Variants in RBFOX1 observed in about 807,000 individuals in gnomAD.
RBFOX1 encodes the protein RNA binding fox-1 homolog 1, also known as RNA binding protein fox-1 homolog 1.
RBFOX1 carries 8 observed loss-of-function variants against 57.7 expected under a neutral mutation model. The observed-to-expected ratio is 0.14, with a 90% confidence interval of 0.08 to 0.25. RBFOX1 has a LOEUF of 0.25. Ranked by LOEUF, RBFOX1 falls within the 10% of genes least tolerant of loss-of-function variation. RBFOX1 has a pLI of 1.00. For missense variants in RBFOX1, 611 were observed against 548.5 expected, an observed-to-expected ratio of 1.11 and a Z score of -1.14; for synonymous variants, 326 against 222.4, an observed-to-expected ratio of 1.47 and a Z score of -4.15.
At chr16:6,426,401 A>G (rs900314223) in intron 2 of RBFOX1, among the ~76,000 whole-genome samples, 1 of 152,158 alleles carries the variant, frequency 6.6e-6, no homozygotes, top group East Asian at 1.9e-4. Flanking sequence ...AGAGAAAAGA[A>G]TGCAGAGGAC....
At chr16:7,275,879 G>C (rs1051999098) in intron 4 of RBFOX1, among the ~76,000 whole-genome samples, 10 of 152,290 alleles carry the variant, frequency 6.6e-5, no homozygotes, top group Admixed American at 6.5e-4. Flanking sequence ...GATCTGAGAG[G>C]CAGCCCCAGG....
intron 4 of RBFOX1, among the ~76,000 whole-genome samples, chr16:7,372,469 C>G (rs1208380164): frequency 6.6e-6 from 1 of 152,126 alleles, no homozygotes; most frequent in Non-Finnish European, 1.5e-5. Context: ...AGAGTGTAAG[C>G]TCATTGAAGC....
At chr16:7,034,848 C>CTTTTCTTTTTTT (rs1412479062) in intron 3 of RBFOX1, among the ~76,000 whole-genome samples, 29 of 30,824 alleles carry the variant, frequency 9.4e-4, no homozygotes, top group East Asian at 1.9e-3. Flanking sequence ...TTTCTTTTTT[C>CTTTTCTTTTTTT]TTTTTTTTTT....
At chr16:7,369,751 G>A (rs970709585) in intron 4 of RBFOX1, among the ~76,000 whole-genome samples, 10 of 152,138 alleles carry the variant, frequency 6.6e-5, no homozygotes, top group African/African-American at 2.2e-4. Flanking sequence ...TTGTGCTTCT[G>A]TTTTGTAATG....
At chr16:7,026,411 G>C (rs147979251) in intron 3 of RBFOX1, among the ~76,000 whole-genome samples, 14 of 152,326 alleles carry the variant, frequency 9.2e-5, no homozygotes, top group Non-Finnish European at 1.9e-4. Context: ...GTAAAGAACA[G>C]TTGAGGGCAG....
chr16:7,254,401 C>G (rs1385287546), intron 4 of RBFOX1, among the ~76,000 whole-genome samples: 1 of 152,078 alleles, frequency 6.6e-6, no homozygotes, highest in African/African-American at 2.4e-5. Context: ...TTAGATTATC[C>G]AAGCTGGAAT....
At chr16:6,117,557 T>C (rs936858419) in intron 1 of RBFOX1, among the ~76,000 whole-genome samples, 1 of 152,260 alleles carries the variant, frequency 6.6e-6, no homozygotes, top group Non-Finnish European at 1.5e-5. Flanking sequence ...AAGAGGCTTC[T>C]GGTAGCATTT....
At chr16:6,828,241 T>G (rs2092385127) in intron 3 of RBFOX1, among the ~76,000 whole-genome samples, 1 of 152,040 alleles carries the variant, frequency 6.6e-6, no homozygotes, top group South Asian at 2.1e-4. Flanking sequence ...AGTAAAAATT[T>G]CAGGCCAGGC....
chr16:6,666,964 A>G (rs1328143221), intron 3 of RBFOX1, among the ~76,000 whole-genome samples: 1 of 152,198 alleles, frequency 6.6e-6, no homozygotes, highest in Non-Finnish European at 1.5e-5. Context: ...TTATTTTTGT[A>G]GGCAAGGGCT....
intron 4 of RBFOX1, among the ~76,000 whole-genome samples, chr16:7,344,271 C>T (rs1425795231): frequency 6.7e-6 from 1 of 150,290 alleles, no homozygotes; most frequent in African/African-American, 2.4e-5. Flanking sequence ...ATTAATACTC[C>T]CTAAGTACTT....
rs556841224 is a variant in RBFOX1, at chr16:7,691,631, T to C, written c.995+14793T>C. 6.6e-5 allele frequency among the ~76,000 whole-genome samples: 10 copies of C among 152,302 alleles called. No homozygotes were observed. The South Asian group carries it at 1.9e-3, about 28-fold the overall frequency. ...AGAGGGCTGTTTCTATTCATACTTG[T>C]AGGTTGCATTTTAAAAGTTACCTAT... On this transcript the variant is annotated intron_variant, in intron 14 of 15. Coordinates refer to ENST00000550418, the MANE Select transcript of RBFOX1 (RefSeq NM_018723.4).
chr16:6,957,116 T>TTCTTTATTTA (rs1555677707), intron 3 of RBFOX1, among the ~76,000 whole-genome samples: 1 of 139,244 alleles, frequency 7.2e-6, no homozygotes, highest in African/African-American at 2.8e-5. Context: ...TTATTTTTAT[T>TTCTTTATTTA]TTTATTTATT....
intron 1 of RBFOX1, among the ~76,000 whole-genome samples, chr16:6,104,004 C>A (rs1305239574): frequency 1.3e-5 from 2 of 152,122 alleles, no homozygotes; most frequent in African/African-American, 2.4e-5. Flanking sequence ...CCTCTGTTCC[C>A]AGTTCTTGCC....
At chr16:7,272,660 C>G (rs1367522611) in intron 4 of RBFOX1, among the ~76,000 whole-genome samples, 1 of 116,466 alleles carries the variant, frequency 8.6e-6, no homozygotes, top group Non-Finnish European at 1.7e-5. Flanking sequence ...TTACTTATAT[C>G]TGAGAAGGGG....
At chr16:6,806,984 TCACCACGTCC>T (rs2086998321) in intron 3 of RBFOX1, among the ~76,000 whole-genome samples, 1 of 151,262 alleles carries the variant, frequency 6.6e-6, no homozygotes, top group South Asian at 2.1e-4. Flanking sequence ...CAGGCACGTC[TCACCACGTCC>T]AGCTGATTTT....
chr16:7,708,490 A>G (rs1346731526), intron 14 of RBFOX1, among the ~76,000 whole-genome samples: 3 of 135,470 alleles, frequency 2.2e-5, no homozygotes, highest in African/African-American at 5.0e-5. Context: ...AAACCAAATC[A>G]GTCTGATTGA....
intron 2 of RBFOX1, among the ~76,000 whole-genome samples, chr16:6,575,717 TGTG>T (rs1840840439): frequency 6.6e-6 from 1 of 151,544 alleles, no homozygotes; most frequent in South Asian, 2.1e-4. Context: ...AATTAACTGG[TGTG>T]GTAGCAGACG....
intron 1 of RBFOX1, among the ~76,000 whole-genome samples, chr16:6,063,047 T>C (rs2152463217): frequency 6.6e-6 from 1 of 152,336 alleles, no homozygotes; most frequent in African/African-American, 2.4e-5. Context: ...TACAGTCAGC[T>C]GTGATGATAG....
intron 3 of RBFOX1, among the ~76,000 whole-genome samples, chr16:5,817,918 C>T (rs368663043): frequency 2.0e-5 from 3 of 152,052 alleles, no homozygotes; most frequent in Admixed American, 2.0e-4. Context: ...TCTCGATCTC[C>T]TGACCTCATG....
Sources: allele counts gnomAD v4.1 joint callset (sites outside exome capture counted in the v4.1 genomes callset), GRCh38; gene constraint gnomAD v4.1.1; transcripts MANE v1.5; gene names NCBI Gene and HGNC (gene_info 2026-07-23, HGNC 2026-07-21).